ANKH: variants seen among roughly 807,000 people sequenced by gnomAD.
ANKH encodes ANKH inorganic pyrophosphate transport regulator.
A neutral mutation model predicts 49.0 loss-of-function variants in ANKH; 15 were observed. The ratio of observed to expected loss-of-function variants is 0.31; its 90% CI spans 0.20 to 0.47. The LOEUF is 0.47. ANKH is among the 20% of genes least tolerant of loss of function. The probability of loss-of-function intolerance (pLI) is 1.00; values close to 1 mark genes in which losing one functional copy is unlikely to be tolerated. For synonymous variants in ANKH, 273 were observed against 260.0 expected, an observed-to-expected ratio of 1.05 and a Z score of -0.48; for missense variants, 429 against 652.0, an observed-to-expected ratio of 0.66 and a Z score of 3.72.
In ANKH at chr5:14,828,032, A is replaced by G. The variant is rs562197116; in HGVS notation, c.96+43320T>C. On this transcript the variant is annotated intron_variant, in intron 1 of 11. Coordinates refer to ENST00000284268, the MANE Select transcript of ANKH (RefSeq NM_054027.6). ...AAATCACATCAATTACAGACAAACTAAAACATGTTGCTTTGTTTCTAGGCT... is the reference window on the plus strand; with the variant it reads ...AAATCACATCAATTACAGACAAACTGAAACATGTTGCTTTGTTTCTAGGCT... 2.0e-5 allele frequency among the ~76,000 whole-genome samples: 3 copies of G among 152,350 alleles called. No homozygotes were observed. In the South Asian group the frequency reaches 6.2e-4, roughly 32 times the overall value.
At chr5:14,834,774 G>A (rs1037559975) in intron 1 of ANKH, among the ~76,000 whole-genome samples, 1 of 152,170 alleles carries the variant, frequency 6.6e-6, no homozygotes, top group African/African-American at 2.4e-5. Flanking sequence ...GAATGAGACT[G>A]TGTCTCAAAA....
chr5:14,740,955 T>C (rs1237738750), intron 8 of ANKH, among the ~76,000 whole-genome samples: 1 of 152,228 alleles, frequency 6.6e-6, no homozygotes, highest in South Asian at 2.1e-4. Flanking sequence ...TAATAGGACA[T>C]GTGTTGTGAC....
intron 1 of ANKH, among the ~76,000 whole-genome samples, chr5:14,804,854 TTAGAG>T (rs1401479528): frequency 6.6e-6 from 1 of 152,212 alleles, no homozygotes; most frequent in Non-Finnish European, 1.5e-5. Flanking sequence ...CTTTGGGATA[TTAGAG>T]TAATCACTGG....
chr5:14,833,568 A>G (rs1194767134), intron 1 of ANKH, among the ~76,000 whole-genome samples: 2 of 152,190 alleles, frequency 1.3e-5, no homozygotes, highest in Admixed American at 1.3e-4. Context: ...TACAAGAGAA[A>G]AGGATGAGGA....
intron 2 of ANKH, among the ~76,000 whole-genome samples, chr5:14,758,817 T>C (rs1422116156): frequency 6.6e-6 from 1 of 152,234 alleles, no homozygotes; most frequent in African/African-American, 2.4e-5. Flanking sequence ...AGTTCTTTTA[T>C]TGTTCTGTGT....
intron 1 of ANKH, among the ~76,000 whole-genome samples, chr5:14,796,328 T>C (rs1360675580): frequency 1.3e-5 from 2 of 151,786 alleles, no homozygotes; most frequent in African/African-American, 4.8e-5. Context: ...GCAACTCTTA[T>C]CAAGGATTAA....
intron 1 of ANKH, among the ~76,000 whole-genome samples, chr5:14,862,053 T>C (rs1382060554): frequency 6.6e-6 from 1 of 152,120 alleles, no homozygotes; most frequent in Non-Finnish European, 1.5e-5. Flanking sequence ...CTGGCCAACA[T>C]GGTGAAACCC....
At chr5:14,836,673 T>C (rs1212898818) in intron 1 of ANKH, among the ~76,000 whole-genome samples, 21 of 152,068 alleles carry the variant, frequency 1.4e-4, no homozygotes, top group African/African-American at 4.1e-4. Context: ...GAATCAATAT[T>C]GTGAAAATGG....
At chr5:14,798,642 T>G (rs1335290347) in intron 1 of ANKH, among the ~76,000 whole-genome samples, 1 of 152,174 alleles carries the variant, frequency 6.6e-6, no homozygotes, top group East Asian at 1.9e-4. Context: ...TTTTTCATTA[T>G]TATTATATCT....
At chr5:14,838,879 T>A (rs1208235587) in intron 1 of ANKH, among the ~76,000 whole-genome samples, 2 of 152,082 alleles carry the variant, frequency 1.3e-5, no homozygotes, top group Non-Finnish European at 2.9e-5. Flanking sequence ...TCCCAGCCCC[T>A]AAGGTGTGCG....
intron 1 of ANKH, among the ~76,000 whole-genome samples, chr5:14,808,064 C>T (rs1330045450): frequency 1.3e-5 from 2 of 152,154 alleles, no homozygotes; most frequent in Admixed American, 6.5e-5. Flanking sequence ...CTACCTTGCA[C>T]TTCCAATAAA....
At chr5:14,743,543 C>A (rs976333041) in intron 7 of ANKH, among the ~76,000 whole-genome samples, 2 of 152,228 alleles carry the variant, frequency 1.3e-5, no homozygotes, top group African/African-American at 4.8e-5. Flanking sequence ...TAGTGGAAAC[C>A]TTTCTCAGCT....
intron 1 of ANKH, among the ~76,000 whole-genome samples, chr5:14,845,327 G>A (rs1017743022): frequency 6.7e-5 from 10 of 149,932 alleles, no homozygotes; most frequent in African/African-American, 2.5e-4. Context: ...GTTGGCAGAA[G>A]AAACCCTGCT....
intron 1 of ANKH, among the ~76,000 whole-genome samples, chr5:14,794,456 T>C (rs1262604370): frequency 7.9e-5 from 12 of 152,234 alleles, no homozygotes; most frequent in Admixed American, 6.5e-4. Context: ...GGATGTTCCA[T>C]TGAATGCCTC....
Position 14,757,411 on chromosome 5 carries a change from A to AATAT in ANKH, c.432+1068_432+1069insATAT, listed in dbSNP as rs1384993981. Among the ~76,000 whole-genome samples, 70 of 96,266 alleles carry AATAT rather than the reference A, an allele frequency of 7.3e-4. 1 individual carries two copies. The highest frequency in any genetic ancestry group is 1.4e-3 in the African/African-American group (26 of 19,256). 63.2% of individuals were successfully genotyped at this position (96,266 alleles called of 152,430 possible). On this transcript the variant is annotated intron_variant, in intron 3 of 11. Transcript: ENST00000284268. ...ACTTTCCAGCATTGGACCTTATTGGAACATATATATATATATATATTTTTT... is the reference window on the plus strand; with the variant it reads ...ACTTTCCAGCATTGGACCTTATTGGAATATACATATATATATATATATATTTTTT...
chr5:14,718,560 C>T (rs557348078), intron 8 of ANKH, among the ~76,000 whole-genome samples: 2 of 152,294 alleles, frequency 1.3e-5, no homozygotes, highest in East Asian at 3.9e-4. Context: ...GCTGTAATCC[C>T]AGCAGTTTGG....
At chr5:14,853,996 C>T (rs1033467305) in intron 1 of ANKH, among the ~76,000 whole-genome samples, 4 of 152,144 alleles carry the variant, frequency 2.6e-5, no homozygotes, top group South Asian at 2.1e-4. Context: ...CAGAACACAA[C>T]GATGATGCAG....
At position 14,871,472 on chromosome 5, in the gene ANKH, CACA is replaced by C; in HGVS notation, c.-28_-26del. ...TAGTCCCCGCCGTGGGCTGACCCCACACACATCTGCTGCCGCGAGGGGACTCTG... is the reference window on the plus strand; with the variant it reads ...TAGTCCCCGCCGTGGGCTGACCCCACCATCTGCTGCCGCGAGGGGACTCTG... On this transcript the variant is annotated 5_prime_UTR_variant, in exon 1 of 12. Transcript: ENST00000284268. 1 of 1,593,390 alleles carries C rather than the reference CACA, an allele frequency of 6.3e-7. No homozygotes were observed. The highest frequency in any genetic ancestry group is 8.6e-7 in the Non-Finnish European group (1 of 1,164,076).
chr5:14,850,515 T>C (rs552492886), intron 1 of ANKH, among the ~76,000 whole-genome samples: 6 of 152,326 alleles, frequency 3.9e-5, no homozygotes, highest in African/African-American at 1.4e-4. Flanking sequence ...GTGTGCTGAG[T>C]CTGGAAGCCA....
Sources: gnomAD v4.1 joint callset for allele counts (sites outside exome capture counted in the v4.1 genomes callset) on GRCh38, gnomAD v4.1.1 for gene constraint, MANE v1.5 for transcripts, NCBI Gene and HGNC (gene_info 2026-07-23, HGNC 2026-07-21) for gene names.